IGF2BP3: variants seen among roughly 807,000 people sequenced by gnomAD.
IGF2BP3 encodes insulin-like growth factor 2 mRNA-binding protein 3.
IGF2BP3 carries 9 observed loss-of-function variants against 73.8 expected under a neutral mutation model. The ratio of observed to expected loss-of-function variants is 0.12; its 90% CI spans 0.07 to 0.21. The LOEUF (loss-of-function observed/expected upper bound fraction) is 0.21. IGF2BP3 is among the 10% of genes least tolerant of loss of function. The probability of loss-of-function intolerance (pLI) is 1.00; values close to 1 mark genes in which losing one functional copy is unlikely to be tolerated. For synonymous variants in IGF2BP3, 258 were observed against 256.7 expected (o/e 1.01, Z -0.05); for missense variants, 542 against 714.0 (o/e 0.76, Z 2.75).
At chr7:23,426,218 T>C (rs1045148482) in intron 2 of IGF2BP3, among the ~76,000 whole-genome samples, 6 of 150,550 alleles carry the variant, frequency 4.0e-5, no homozygotes, top group Admixed American at 6.6e-5. Flanking sequence ...TCCCAGCTAA[T>C]TGGGAGGCTG....
At chr7:23,468,840 GGGACGCGGCCCACCCTCTCACCGCCCT>G (rs1562769287) in intron 1 of IGF2BP3, among the ~76,000 whole-genome samples, 1 of 152,176 alleles carries the variant, frequency 6.6e-6, no homozygotes, top group African/African-American at 2.4e-5. Context: ...GCCCGCAAGA[GGGACGCGGCCCACCCTCTCACCGCCCT>G]GGACACGCTC....
At chr7:23,343,971 G>A in intron 8 of IGF2BP3, 118 bp from the exon 9 acceptor site, 3 of 959,754 alleles carry the variant, frequency 3.1e-6, no homozygotes, top group South Asian at 1.7e-5. Context: ...TGTAAAAGTG[G>A]GTGGTAAAAC....
At chr7:23,320,237 A>G (rs1784099705) in intron 10 of IGF2BP3, among the ~76,000 whole-genome samples, 1 of 152,150 alleles carries the variant, frequency 6.6e-6, no homozygotes, top group Admixed American at 6.6e-5. Flanking sequence ...ACATGAAAAA[A>G]TTAGAAAATA....
At chr7:23,377,283 A>G (rs560706562) in intron 3 of IGF2BP3, among the ~76,000 whole-genome samples, 5 of 152,192 alleles carry the variant, frequency 3.3e-5, no homozygotes, top group Non-Finnish European at 7.3e-5. Flanking sequence ...CTCAACACTA[A>G]AAGGCCAAAT....
intron 3 of IGF2BP3, among the ~76,000 whole-genome samples, chr7:23,392,714 C>T (rs547884925): frequency 6.5e-4 from 99 of 152,144 alleles, no homozygotes; most frequent in African/African-American, 2.3e-3. Flanking sequence ...ACTGCAGCCT[C>T]GACTTCCCAG....
At chr7:23,449,500 G>A (rs1036369648) in intron 2 of IGF2BP3, among the ~76,000 whole-genome samples, 1 of 150,856 alleles carries the variant, frequency 6.6e-6, no homozygotes, top group East Asian at 2.0e-4. Context: ...CTGGGACACA[G>A]CGAGACTCCG....
At position 23,311,192 on chromosome 7, in the gene IGF2BP3, G is replaced by A. The variant is rs2128490259; in HGVS notation, c.*1170C>T. 6.6e-6 allele frequency: 1 copy of A among 152,162 alleles called. No individual in the cohort carries two copies. The highest frequency in any genetic ancestry group is 2.4e-5 in the African/African-American group (1 of 41,498). The allele number at this position is 152,162 out of a possible 1,614,324, so 9.4% of individuals were successfully genotyped here. A position where few individuals can be genotyped will look rare whatever the true frequency, so the allele number is the denominator to read the frequency against. On this transcript the variant is annotated 3_prime_UTR_variant, in exon 15 of 15. Transcript: ENST00000258729. ...GGCTCATGACAGTGCTGGCCCCATGGAAATGTAGCCTTTTGTTGCGTTTAA... is the reference window on the plus strand; with the variant it reads ...GGCTCATGACAGTGCTGGCCCCATGAAAATGTAGCCTTTTGTTGCGTTTAA...
intron 2 of IGF2BP3, among the ~76,000 whole-genome samples, chr7:23,423,472 C>A (rs1019886873): frequency 6.6e-6 from 1 of 152,096 alleles, no homozygotes; most frequent in Non-Finnish European, 1.5e-5. Context: ...CATTAAAGTT[C>A]AATATAACTA....
At chr7:23,315,171 G>A (rs1449717521) in intron 12 of IGF2BP3, among the ~76,000 whole-genome samples, 2 of 150,764 alleles carry the variant, frequency 1.3e-5, no homozygotes, top group Admixed American at 6.6e-5. Flanking sequence ...TCTGTGGTGC[G>A]ATCTCAGCAC....
intron 5 of IGF2BP3, among the ~76,000 whole-genome samples, chr7:23,356,191 C>A (rs1785092028): frequency 6.6e-6 from 1 of 152,178 alleles, no homozygotes. Context: ...CTCCAAAGGT[C>A]ATTTTCCTTT....
At chr7:23,377,793 C>G (rs1333792569) in intron 3 of IGF2BP3, among the ~76,000 whole-genome samples, 1 of 152,196 alleles carries the variant, frequency 6.6e-6, no homozygotes, top group African/African-American at 2.4e-5. Context: ...GAAGTACCTA[C>G]TAAAATCTGG....
At chr7:23,350,865 A>G (rs1291826472) in intron 6 of IGF2BP3, among the ~76,000 whole-genome samples, 1 of 152,244 alleles carries the variant, frequency 6.6e-6, no homozygotes, top group East Asian at 1.9e-4. Flanking sequence ...AATTCGGACA[A>G]ATAAGATGAG....
intron 3 of IGF2BP3, among the ~76,000 whole-genome samples, chr7:23,378,220 C>G (rs561490828): frequency 6.6e-6 from 1 of 152,024 alleles, no homozygotes; most frequent in African/African-American, 2.4e-5. Flanking sequence ...CTATTAGTCA[C>G]GGAATAATGT....
chr7:23,361,256 G>A, intron 5 of IGF2BP3: 1 of 292,986 alleles, frequency 3.4e-6, no homozygotes, highest in South Asian at 4.9e-5. Flanking sequence ...CAATACCAAG[G>A]CCCAGAGCTT....
intron 2 of IGF2BP3, among the ~76,000 whole-genome samples, chr7:23,461,971 A>G (rs1788459079): frequency 6.6e-6 from 1 of 152,172 alleles, no homozygotes; most frequent in Non-Finnish European, 1.5e-5. Context: ...AGCAGCTTCC[A>G]TTTTCACTTA....
rs1311773450 is a variant in IGF2BP3, at chr7:23,347,585, A to C, written c.818+15T>G. On this transcript the variant is annotated intron_variant, in intron 7 of 14. Coordinates refer to ENST00000258729, the MANE Select transcript of IGF2BP3 (RefSeq NM_006547.3). ...AAATATCAACCTCTTTCACAGGACA[A>C]TCTTCTTTACTCACAATTTTATATC... is the stretch of plus-strand genomic sequence containing the variant. 2 of 1,610,020 alleles carry C rather than the reference A, an allele frequency of 1.2e-6. No individual in the cohort carries two copies. The highest frequency in any genetic ancestry group is 1.7e-6 in the Non-Finnish European group (2 of 1,178,852).
intron 2 of IGF2BP3, among the ~76,000 whole-genome samples, chr7:23,424,757 T>A (rs1162337279): frequency 1.3e-5 from 2 of 152,094 alleles, no homozygotes; most frequent in African/African-American, 4.8e-5. Flanking sequence ...AAATTAAAAT[T>A]AATTTTTAAG....
At chr7:23,463,153 A>T (rs942546398) in intron 2 of IGF2BP3, among the ~76,000 whole-genome samples, 13 of 152,126 alleles carry the variant, frequency 8.5e-5, no homozygotes, top group Admixed American at 6.6e-4. Context: ...GACCAAACCA[A>T]CCACCAGAGT....
At chr7:23,400,828 C>A (rs1265235131) in intron 3 of IGF2BP3, among the ~76,000 whole-genome samples, 1 of 152,322 alleles carries the variant, frequency 6.6e-6, no homozygotes, top group African/African-American at 2.4e-5. Context: ...GAGATGGAGC[C>A]TTGCTCTGTG....
Sources: gnomAD v4.1 joint callset for allele counts (sites outside exome capture counted in the v4.1 genomes callset) on GRCh38, gnomAD v4.1.1 for gene constraint, MANE v1.5 for transcripts, NCBI Gene and HGNC (gene_info 2026-07-23, HGNC 2026-07-21) for gene names.